The following KRIT1 variants were observed in gnomAD, a reference collection of about 807,000 sequenced individuals.
KRIT1 encodes the protein krev interaction trapped protein 1.
Under a neutral mutation model 95.8 loss-of-function variants are expected in KRIT1, and 45 were observed. The ratio of observed to expected loss-of-function variants is 0.47; its 90% confidence interval spans 0.37 to 0.60. The LOEUF is 0.60. KRIT1 is among the 20% of genes least tolerant of loss of function. The probability of loss-of-function intolerance (pLI) is 0.00; values close to 1 mark genes in which losing one functional copy is unlikely to be tolerated. For synonymous variants in KRIT1, 282 were observed against 278.8 expected (o/e 1.01, Z -0.11); for missense variants, 788 against 877.5 (o/e 0.90, Z 1.29).
rs756009833 is a variant in KRIT1, at chr7:92,236,588, C to A, written c.356-46G>T. The A allele has an allele frequency of 5.0e-6, 6 of 1,202,488 alleles. No individual in the cohort carries two copies. The African/African-American group carries it at 6.0e-5, about 12-fold the overall frequency. 74.5% of individuals were successfully genotyped at this position (1,202,488 alleles called of 1,614,324 possible). ...ATTATGCTACCATATAAAAGGTTTACATCTGCATGTTTTCATCTAAAAATA... is the reference window on the plus strand; with the variant it reads ...ATTATGCTACCATATAAAAGGTTTAAATCTGCATGTTTTCATCTAAAAATA... On this transcript the variant is annotated intron_variant, in intron 6 of 18. Coordinates refer to ENST00000394505, the MANE Select transcript of KRIT1 (RefSeq NM_194454.3).
intron 14 of KRIT1, among the ~76,000 whole-genome samples, chr7:92,218,321 G>C (rs1275114669): frequency 6.6e-6 from 1 of 151,438 alleles, no homozygotes; most frequent in Non-Finnish European, 1.5e-5. Context: ...GGCCTCAAGT[G>C]AGCCTCCCAC....
At chr7:92,239,677 G>A (rs542479531) in intron 5 of KRIT1, among the ~76,000 whole-genome samples, 3 of 151,612 alleles carry the variant, frequency 2.0e-5, no homozygotes, top group Non-Finnish European at 4.4e-5. Flanking sequence ...TGTGAGACTC[G>A]GAGTGTTTAT....
At chr7:92,230,661 T>C (rs1797090947) in intron 10 of KRIT1, among the ~76,000 whole-genome samples, 1 of 151,930 alleles carries the variant, frequency 6.6e-6, no homozygotes, top group Admixed American at 6.6e-5. Context: ...ATCATGCATG[T>C]TTGAGGGAAA....
At chr7:92,221,549 C>T (rs578248307) in intron 14 of KRIT1, among the ~76,000 whole-genome samples, 1 of 152,270 alleles carries the variant, frequency 6.6e-6, no homozygotes, top group South Asian at 2.1e-4. Context: ...GTTTCTCTTT[C>T]TTCCTTCAAA....
rs1274117057 is a variant in KRIT1, at chr7:92,236,539, T to C, written c.359A>G (p.Asn120Ser). 6.5e-7 allele frequency: 1 copy of C among 1,533,488 alleles called. No homozygotes were observed. The highest frequency in any genetic ancestry group is 9.0e-7 in the Non-Finnish European group (1 of 1,107,720). The allele number at this position is 1,533,488 out of a possible 1,614,324, so 95.0% of individuals were successfully genotyped here. Reference protein sequence around the residue: ...LFIVPSVVKDNTKYTYTPGCP... With the variant: ...LFIVPSVVKDSTKYTYTPGCP... ...TCCTGGGGTATATGTGTATTTAGTATTATCTGAAAAAGAAAAATGAAGAAT... is the reference window on the plus strand; with the variant it reads ...TCCTGGGGTATATGTGTATTTAGTACTATCTGAAAAAGAAAAATGAAGAAT... The change falls in exon 7 of 19, where the codon AAT (asparagine) becomes AGT (serine). Residue 120 changes from asparagine to serine, a missense_variant. Physicochemically the swap from Asn to Ser is conservative, Grantham distance 46. Coordinates refer to ENST00000394505, the MANE Select transcript of KRIT1 (RefSeq NM_194454.3).
Position 92,236,269 on chromosome 7 carries a change from A to G in KRIT1, c.485+144T>C, listed in dbSNP as rs1798415070. 1.6e-5 allele frequency: 10 copies of G among 614,576 alleles called. No homozygotes were observed. The Admixed American group carries it at 2.3e-4, about 14-fold the overall frequency. The allele number at this position is 614,576 out of a possible 1,614,324, so 38.1% of individuals were successfully genotyped here. On this transcript the variant is annotated intron_variant, in intron 7 of 18. Transcript: ENST00000394505. ...TTATCTTCGGGTTTTTCATTTTTAT[A>G]TTAGAATTGAAAAACTTACCATTTT...
Position 92,241,055 on chromosome 7 carries a change from C to A in KRIT1, c.200G>T (p.Gly67Val). 1 of 1,611,682 alleles carries A rather than the reference C, an allele frequency of 6.2e-7. No homozygotes were observed. Among genetic ancestry groups the A allele is most frequent in the South Asian group, 1.1e-5 (1 of 91,026 alleles). ...GGTTTCTACTACGTAATCCAATATG[C>A]CTTGTGTTATTTCACTGTTGCCTTG... The part of the protein sequence containing the change: ...KLQGNSEITQ[G>V]ILDYVVETTK... Residue 67 changes from glycine to valine, a missense_variant, in exon 5 of 19, where the codon GGC becomes GTC. Gly to Val is a moderately radical substitution (Grantham distance 109). Around this residue, in one of 3 missense-constraint regions of KRIT1, gnomAD observed 289 missense variants for 277.5 expected, o/e 1.04. Coordinates refer to ENST00000394505, the MANE Select transcript of KRIT1 (RefSeq NM_194454.3).
Position 92,212,041 on chromosome 7 carries a change from G to A in KRIT1, c.2025+1154C>T, listed in dbSNP as rs373639472. Among the ~76,000 whole-genome samples the A allele has an allele frequency of 7.2e-5, 11 of 152,042 alleles. No homozygotes were observed. In the East Asian group the frequency reaches 9.6e-4, roughly 13 times the overall value. On this transcript the variant is annotated intron_variant, in intron 17 of 18. Coordinates refer to ENST00000394505, the MANE Select transcript of KRIT1 (RefSeq NM_194454.3). ...GATTGCTTGAGTCCATGAGTTCAAAGCTGCAGTGAGCTATGATTGCACCAC... is the reference window on the plus strand; with the variant it reads ...GATTGCTTGAGTCCATGAGTTCAAAACTGCAGTGAGCTATGATTGCACCAC...
At chr7:92,220,899 G>A (rs1193121780) in intron 14 of KRIT1, among the ~76,000 whole-genome samples, 1 of 150,336 alleles carries the variant, frequency 6.7e-6, no homozygotes, top group Non-Finnish European at 1.5e-5. Flanking sequence ...CATCTTGGCC[G>A]GGCTGGTCTT....
chr7:92,228,862 T>A (rs548608609), intron 10 of KRIT1, among the ~76,000 whole-genome samples: 1 of 152,286 alleles, frequency 6.6e-6, no homozygotes, highest in South Asian at 2.1e-4. Flanking sequence ...CCTGCATTAG[T>A]TTGCTAAAAA....
intron 3 of KRIT1, among the ~76,000 whole-genome samples, chr7:92,242,889 A>G (rs1453890858): frequency 6.6e-6 from 1 of 152,098 alleles, no homozygotes; most frequent in East Asian, 1.9e-4. Flanking sequence ...TCTCGCCTCA[A>G]TGCAACCCTC....
chr7:92,227,198 G>A (rs1448923695), intron 10 of KRIT1, among the ~76,000 whole-genome samples: 2 of 152,138 alleles, frequency 1.3e-5, no homozygotes, highest in East Asian at 1.9e-4. Context: ...TGTAATTTGA[G>A]GCAAAACATA....
At chr7:92,234,181 C>T (rs142150263) in intron 10 of KRIT1, among the ~76,000 whole-genome samples, 218 of 152,336 alleles carry the variant, frequency 1.4e-3, no homozygotes, top group Non-Finnish European at 2.0e-3. Context: ...TGACCTTGTA[C>T]TCTACAGTGA....
intron 14 of KRIT1, among the ~76,000 whole-genome samples, chr7:92,219,154 C>T (rs370533765): frequency 5.3e-5 from 8 of 152,302 alleles, no homozygotes; most frequent in African/African-American, 1.7e-4. Flanking sequence ...AGGTGTACCA[C>T]CATGGCTGGC....
In KRIT1 at chr7:92,234,587, C is replaced by T. The variant is rs371778508; in HGVS notation, c.851G>A (p.Arg284Gln). Residue 284 changes from arginine (R) to glutamine (Q), a missense_variant, in exon 10 of 19, where the codon CGA becomes CAA. Arg to Gln is a conservative substitution (Grantham distance 43). Transcript: ENST00000394505. ...SMSSVTEDKE[R>Q]QWVDDFPLHR... ...GAGAGGAAAATCATCTACCCACTGT[C>T]GTTCCCTAATCATTAAAAAGAAATT... 7.8e-5 allele frequency: 126 copies of T among 1,612,528 alleles called. No homozygotes were observed. The highest frequency in any genetic ancestry group is 1.0e-4 in the Non-Finnish European group (118 of 1,178,786).
rs1376118756 is a variant in KRIT1 at position 92,226,662 on chromosome 7, G to C, written c.1010C>G (p.Thr337Ser). ...YACWYGKVEATRILLEKGKCN... is the reference protein window; with the variant it reads ...YACWYGKVEASRILLEKGKCN... ...CTTTCCTTTCTCTAACAATATGCGA[G>C]TGGCCTCAACTTTTCCATACCTGTA... Residue 337 changes from threonine (T) to serine (S), a missense_variant, in exon 11 of 19, where the codon ACT (threonine) becomes AGT (serine). Around this residue, in one of 3 missense-constraint regions of KRIT1, gnomAD observed 493 missense variants for 582.3 expected, o/e 0.85. Coordinates refer to ENST00000394505, the MANE Select transcript of KRIT1 (RefSeq NM_194454.3). The C allele has an allele frequency of 6.2e-7, 1 of 1,613,358 alleles. No homozygotes were observed. Among genetic ancestry groups the C allele is most frequent in the Non-Finnish European group, 8.5e-7 (1 of 1,179,704 alleles).
At chr7:92,245,549 A>G (rs1312688794) in intron 1 of KRIT1, 1 of 150,494 alleles carries the variant, frequency 6.6e-6, no homozygotes, top group Non-Finnish European at 1.5e-5. Context: ...GGCTGCCGCG[A>G]GTGCCTCTCT....
intron 17 of KRIT1, 37 bp downstream of exon 17, chr7:92,213,156 TTA>T: frequency 7.3e-7 from 1 of 1,379,078 alleles, no homozygotes; most frequent in Non-Finnish European, 1.0e-6. Flanking sequence ...GTTTTAACTA[TTA>T]TATGACATGA....
chr7:92,207,593 A>C (rs1270965508), intron 17 of KRIT1, among the ~76,000 whole-genome samples: 1 of 152,184 alleles, frequency 6.6e-6, no homozygotes, highest in Non-Finnish European at 1.5e-5. Context: ...GCAGTGGCTC[A>C]CGCCTGTAAT....
Sources: gnomAD v4.1 joint callset for allele counts (sites outside exome capture counted in the v4.1 genomes callset) on GRCh38, gnomAD v4.1.1 for gene constraint, gnomAD v4.1.1 regional missense constraint, MANE v1.5 for transcripts, NCBI Gene and HGNC (gene_info 2026-07-23, HGNC 2026-07-21) for gene names.